The following HIRA variants were observed in gnomAD, a reference collection of about 807,000 sequenced individuals.
The protein encoded by HIRA is histone cell cycle regulator.
Under a neutral mutation model 126.6 loss-of-function variants are expected in HIRA, and 13 were observed. The observed-to-expected ratio is 0.10, with a 90% CI of 0.07 to 0.16. The LOEUF is 0.16. HIRA is among the 10% of genes least tolerant of loss of function. The pLI, the probability that HIRA is intolerant of heterozygous loss-of-function variation, is 1.00. For synonymous variants in HIRA, 511 were observed against 520.0 expected, an observed-to-expected ratio of 0.98 and a Z score of 0.24; for missense variants, 834 against 1,314.4, an observed-to-expected ratio of 0.63 and a Z score of 5.65.
chr22:19,387,847 G>C (rs2089140568), intron 10 of HIRA, 31 bp from the exon 11 acceptor site: 1 of 1,526,036 alleles, frequency 6.6e-7, no homozygotes, highest in Non-Finnish European at 9.0e-7. Flanking sequence ...CAGCCTGGTA[G>C]CAAGAGCCCC....
chr22:19,333,919 C>A (rs988722579), intron 24 of HIRA, among the ~76,000 whole-genome samples: 25 of 152,052 alleles, frequency 1.6e-4, no homozygotes, highest in Non-Finnish European at 3.2e-4. Context: ...TTTTAAACTC[C>A]AGATTTCTGT....
chr22:19,418,589 G>A (rs965999295), intron 1 of HIRA, among the ~76,000 whole-genome samples: 2 of 67,530 alleles, frequency 3.0e-5, no homozygotes, highest in African/African-American at 7.0e-5. Context: ...CCGAGATCGC[G>A]CCTGTTCCAG....
chr22:19,342,842 A>G lies in HIRA; in HGVS notation c.2937+8516T>C, dbSNP rs1291851752. On this transcript the variant is annotated intron_variant, in intron 24 of 24. Transcript: ENST00000263208. ...TTTGCAACTGCAAAAATACGGAACC[A>G]GTCTAAATGCCCATCAACCAATGAG... is the stretch of plus-strand genomic sequence containing the variant. Among the ~76,000 whole-genome samples, 3 of 152,268 alleles carry G rather than the reference A, an allele frequency of 2.0e-5. No individual in the cohort carries two copies. In the South Asian group the frequency reaches 6.2e-4, roughly 31 times the overall value.
At chr22:19,361,126 G>A in intron 17 of HIRA, 111 bp downstream of exon 17, 7 of 816,954 alleles carry the variant, frequency 8.6e-6, no homozygotes, top group African/African-American at 1.7e-5. Flanking sequence ...GTGATGGAGA[G>A]CCACTGGAAA....
In HIRA at chr22:19,378,617, T is replaced by C. The variant is rs143273940; in HGVS notation, c.1416-551A>G. Among the ~76,000 whole-genome samples the C allele has an allele frequency of 2.0e-4, 30 of 152,380 alleles. No homozygotes were observed. The East Asian group carries it at 5.2e-3, about 26-fold the overall frequency. On this transcript the variant is annotated intron_variant, in intron 13 of 24. Coordinates refer to ENST00000263208, the MANE Select transcript of HIRA (RefSeq NM_003325.4). ...CCATTTGTTAGCTTGTGACTTGCTC[T>C]AACTACTCTTGTGCCTCCAGTCATG...
At chr22:19,427,799 A>C (rs763392819) in intron 1 of HIRA, among the ~76,000 whole-genome samples, 6 of 152,228 alleles carry the variant, frequency 3.9e-5, no homozygotes, top group Non-Finnish European at 7.3e-5. Flanking sequence ...AGTTGGGAAG[A>C]GCCATGAATC....
chr22:19,420,163 A>G (rs771229972), intron 1 of HIRA, among the ~76,000 whole-genome samples: 1 of 151,924 alleles, frequency 6.6e-6, no homozygotes, highest in Non-Finnish European at 1.5e-5. Context: ...ACATATAATC[A>G]ACAAAGTTTT....
At chr22:19,416,305 T>C (rs565633523) in intron 1 of HIRA, among the ~76,000 whole-genome samples, 1 of 152,268 alleles carries the variant, frequency 6.6e-6, no homozygotes, top group Non-Finnish European at 1.5e-5. Flanking sequence ...GGCAGTAATT[T>C]CTTTTTCTTT....
At position 19,375,773 on chromosome 22, in the gene HIRA, G is replaced by A. The variant is rs754812596; in HGVS notation, c.1633C>T (p.Pro545Ser). ...AACACAGAAGGTGACAATGCAGCAG[G>A]AGTAGAGGTAGCATTCATACTGGGG... ...NKDSMNATST[P>S]AALSPSVLTT... Residue 545 changes from proline (P) to serine (S), a missense_variant, in exon 15 of 25, where the codon CCT becomes TCT. Transcript: ENST00000263208. 3 of 1,614,038 alleles carry A rather than the reference G, an allele frequency of 1.9e-6. No individual in the cohort carries two copies. In the East Asian group the frequency reaches 6.7e-5, roughly 36 times the overall value.
At chr22:19,360,360 C>G (rs978301999) in intron 17 of HIRA, among the ~76,000 whole-genome samples, 1 of 152,210 alleles carries the variant, frequency 6.6e-6, no homozygotes, top group Non-Finnish European at 1.5e-5. Flanking sequence ...TGCAAGAGCA[C>G]GTCTGAACGC....
In HIRA at chr22:19,351,396, G is replaced by A. The variant is rs1556010832; in HGVS notation, c.2899C>T (p.His967Tyr). The A allele has an allele frequency of 1.2e-6, 2 of 1,613,604 alleles. No homozygotes were observed. Among genetic ancestry groups the A allele is most frequent in the Non-Finnish European group, 1.7e-6 (2 of 1,179,832 alleles). Residue 967 changes from histidine (H) to tyrosine (Y), a missense_variant, in exon 24 of 25, where the codon CAC (histidine) becomes TAC (tyrosine). Around this residue, in one of 5 missense-constraint regions of HIRA, gnomAD observed 58 missense variants for 114.5 expected, o/e 0.51. Coordinates refer to ENST00000263208, the MANE Select transcript of HIRA (RefSeq NM_003325.4). The surrounding 1 kb of genome is among the most constrained non-coding windows in gnomAD (Gnocchi z 4.8). ...EICKDLLGPVHYSTGSQWEST... is the reference protein window; with the variant it reads ...EICKDLLGPVYYSTGSQWEST... The stretch of plus-strand genomic sequence containing the variant: ...TCCCACTGGCTTCCAGTGGAGTAGT[G>A]AACCGGACCCAGTAAGTCCTTGCAT...
intron 1 of HIRA, among the ~76,000 whole-genome samples, chr22:19,411,664 A>G (rs2089353894): frequency 6.6e-6 from 1 of 152,258 alleles, no homozygotes; most frequent in African/African-American, 2.4e-5. Flanking sequence ...CAAAGGAGAT[A>G]CATGACAATG....
At chr22:19,396,518 A>G (rs774548453) in intron 7 of HIRA, among the ~76,000 whole-genome samples, 20 of 152,252 alleles carry the variant, frequency 1.3e-4, no homozygotes, top group Admixed American at 9.2e-4. Flanking sequence ...CTCTGTCGCC[A>G]AAACAAAGCA....
At chr22:19,358,816 A>C (rs1462024170) in intron 18 of HIRA, among the ~76,000 whole-genome samples, 1 of 152,184 alleles carries the variant, frequency 6.6e-6, no homozygotes, top group Admixed American at 6.5e-5. Flanking sequence ...ACAGGTAGGG[A>C]CAGGGCTCAC....
rs575606445 is a variant in HIRA at position 19,396,915 on chromosome 22, A to G, written c.526T>C (p.Leu176=). 29 of 1,614,236 alleles carry G rather than the reference A, an allele frequency of 1.8e-5. No homozygotes were observed. The South Asian group carries it at 3.0e-4, about 16-fold the overall frequency. Residue 176 remains leucine (L), a synonymous_variant, in exon 7 of 25, where the codon TTG becomes CTG. Transcript: ENST00000263208. ...GGGTCCCATGTCAACCCTTTGACCA[A>G]GCCAGAATGACCTCTCAGAGTAGCT... is the stretch of plus-strand genomic sequence containing the variant. ...ILATLRGHSG[L]VKGLTWDPVG...
In HIRA at chr22:19,361,260, G is replaced by T. The variant is rs1425588718; in HGVS notation, c.2062C>A (p.Pro688Thr). 3 of 1,614,072 alleles carry T rather than the reference G, an allele frequency of 1.9e-6. No homozygotes were observed. Among genetic ancestry groups the T allele is most frequent in the Non-Finnish European group, 2.5e-6 (3 of 1,180,006 alleles). The part of the protein sequence containing the change: ...ALALKLPIPS[P>T]QRAFTLQVSS... ...ACCTGGAGGGTGAATGCTCTCTGGGGGCTTGGAATTGGCAGCTTCAGTGCA... is the reference window on the plus strand; with the variant it reads ...ACCTGGAGGGTGAATGCTCTCTGGGTGCTTGGAATTGGCAGCTTCAGTGCA... Residue 688 changes from proline (P) to threonine (T), a missense_variant, in exon 17 of 25, where the codon CCC (proline) becomes ACC (threonine). Around this residue, in one of 5 missense-constraint regions of HIRA, gnomAD observed 468 missense variants for 574.2 expected, o/e 0.82. Transcript: ENST00000263208.
intron 24 of HIRA, among the ~76,000 whole-genome samples, chr22:19,337,127 C>T (rs782082426): frequency 4.6e-5 from 7 of 151,656 alleles, no homozygotes; most frequent in Middle Eastern, 3.4e-3. Flanking sequence ...GACAGGGTCT[C>T]GCTCTGTTGT....
intron 5 of HIRA, chr22:19,399,092 G>A (rs1166038725): frequency 2.0e-6 from 2 of 982,902 alleles, no homozygotes; most frequent in East Asian, 2.3e-4. Flanking sequence ...AGGCATCGAT[G>A]AGGGTCCGCT....
intron 8 of HIRA, among the ~76,000 whole-genome samples, chr22:19,393,645 C>T (rs981132332): frequency 3.3e-5 from 5 of 152,134 alleles, no homozygotes; most frequent in Admixed American, 1.3e-4. Flanking sequence ...CATGAGCCAC[C>T]GTGTCCGGCC....
Sources: gnomAD v4.1 joint callset for allele counts (sites outside exome capture counted in the v4.1 genomes callset) on GRCh38, gnomAD v4.1.1 for gene constraint, gnomAD v4.1.1 regional missense constraint, Gnocchi (gnomAD v3.1) non-coding constraint, MANE v1.5 for transcripts, NCBI Gene and HGNC (gene_info 2026-07-23, HGNC 2026-07-21) for gene names.